CDH13: variants seen among roughly 807,000 people sequenced by gnomAD.
CDH13 encodes the protein cadherin-13.
CDH13 carries 24 observed loss-of-function variants against 63.8 expected under a neutral mutation model. That is an observed-to-expected ratio of 0.38 (90% CI 0.27 to 0.53). The LOEUF is 0.53. Among genes scored for constraint, CDH13 ranks in the 20% least tolerant of loss-of-function variants. The pLI is 0.85. For missense variants in CDH13, 1,049 were observed against 903.1 expected (o/e 1.16, Z -2.07); for synonymous variants, 503 against 355.3 (o/e 1.42, Z -4.67).
rs62035174 is a variant in CDH13, at chr16:82,842,137, T to C, written c.46-16225T>C. Among the ~76,000 whole-genome samples, 134 of 55,758 alleles carry C rather than the reference T, an allele frequency of 2.4e-3. 10 individuals are homozygous for C. The highest frequency in any genetic ancestry group is 4.3e-3 in the Non-Finnish European group (111 of 25,966). The allele number at this position is 55,758 out of a possible 152,430, so 36.6% of individuals were successfully genotyped here. A position where few individuals can be genotyped will look rare whatever the true frequency, so the allele number is the denominator to read the frequency against. ...GTATATATATATATATATATATATATACACATATATATATATATATATATA... is the reference window on the plus strand; with the variant it reads ...GTATATATATATATATATATATATACACACATATATATATATATATATATA... On this transcript the variant is annotated intron_variant, in intron 1 of 13. Transcript: ENST00000567109.
chr16:82,685,292 G>T (rs547286351), intron 1 of CDH13, among the ~76,000 whole-genome samples: 1 of 152,154 alleles, frequency 6.6e-6, no homozygotes, highest in Non-Finnish European at 1.5e-5. Context: ...GTGAGGTCCC[G>T]CTTTCCTCAT....
intron 5 of CDH13, among the ~76,000 whole-genome samples, chr16:83,292,072 T>C (rs941217968): frequency 6.6e-6 from 1 of 152,238 alleles, no homozygotes; most frequent in Admixed American, 6.5e-5. Context: ...TGTTTACATT[T>C]AGTTCAGAAA....
intron 2 of CDH13, among the ~76,000 whole-genome samples, chr16:82,896,276 A>ATGTTTTTTT (rs2041253638): frequency 1.1e-5 from 1 of 87,816 alleles, no homozygotes; most frequent in Admixed American, 1.6e-4. Context: ...TAGGATTAGG[A>ATGTTTTTTT]TTTTTTTTTT....
At chr16:82,817,672 G>A (rs963812407) in intron 1 of CDH13, among the ~76,000 whole-genome samples, 3 of 152,030 alleles carry the variant, frequency 2.0e-5, no homozygotes, top group Non-Finnish European at 4.4e-5. Context: ...AGGTGTGGTG[G>A]TGCACACCTG....
chr16:83,602,701 A>C, intron 8 of CDH13, 107 bp downstream of exon 8: 1 of 1,114,180 alleles, frequency 9.0e-7, no homozygotes, highest in Non-Finnish European at 1.4e-6. Flanking sequence ...TTCAAAATCA[A>C]AATACTCCTT....
intron 7 of CDH13, among the ~76,000 whole-genome samples, chr16:83,533,238 G>A (rs971779595): frequency 1.9e-4 from 29 of 152,132 alleles, no homozygotes; most frequent in Non-Finnish European, 4.4e-5. Flanking sequence ...TCAATGCGAC[G>A]GCTCACTTTT....
intron 6 of CDH13, among the ~76,000 whole-genome samples, chr16:83,460,995 GCACACACACA>G (rs35631596): frequency 2.7e-5 from 4 of 147,806 alleles, no homozygotes; most frequent in African/African-American, 7.5e-5. Flanking sequence ...ACACACACAC[GCACACACACA>G]CACACACACA....
chr16:83,341,441 G>A (rs1488164640), intron 5 of CDH13, among the ~76,000 whole-genome samples: 1 of 152,180 alleles, frequency 6.6e-6, no homozygotes, highest in Non-Finnish European at 1.5e-5. Flanking sequence ...TGATTGGGTG[G>A]ATAAGGCTGT....
chr16:82,837,571 C>T (rs1154678), intron 1 of CDH13, among the ~76,000 whole-genome samples: 46,447 of 152,014 alleles, frequency 0.31, 8,553 homozygotes, highest in East Asian at 0.81. Context: ...GAGCGAAGTC[C>T]GGAGGAAATC....
intron 3 of CDH13, among the ~76,000 whole-genome samples, chr16:83,085,443 G>C (rs2033529715): frequency 6.6e-6 from 1 of 152,158 alleles, no homozygotes; most frequent in African/African-American, 2.4e-5. Flanking sequence ...CAAGATGGCT[G>C]ATACATGTCT....
intron 8 of CDH13, among the ~76,000 whole-genome samples, chr16:83,646,007 C>T (rs992179008): frequency 2.0e-5 from 3 of 152,154 alleles, no homozygotes; most frequent in African/African-American, 7.2e-5. Context: ...AGGTTTGCTC[C>T]ACATCCAGCC....
intron 10 of CDH13, among the ~76,000 whole-genome samples, chr16:83,692,226 A>T (rs1904974916): frequency 6.6e-6 from 1 of 152,212 alleles, no homozygotes; most frequent in Admixed American, 6.5e-5. Context: ...TGGATTTATG[A>T]CAGCTTTCAT....
chr16:83,359,001 G>T (rs955440709), intron 6 of CDH13, among the ~76,000 whole-genome samples: 21 of 152,246 alleles, frequency 1.4e-4, no homozygotes, highest in African/African-American at 3.4e-4. Context: ...TTATGTCAGT[G>T]TGCTGGCTTC....
chr16:82,648,456 G>A (rs762836013), intron 1 of CDH13, among the ~76,000 whole-genome samples: 19 of 152,100 alleles, frequency 1.2e-4, no homozygotes, highest in Non-Finnish European at 2.2e-4. Context: ...CAGCTCAATA[G>A]AATATTACAT....
chr16:83,597,511 A>G (rs1907381874), intron 7 of CDH13, among the ~76,000 whole-genome samples: 1 of 152,190 alleles, frequency 6.6e-6, no homozygotes, highest in South Asian at 2.1e-4. Flanking sequence ...AAAAGGAGAT[A>G]ACTATCAATA....
chr16:82,719,458 A>G (rs952153787), intron 1 of CDH13: 2 of 455,710 alleles, frequency 4.4e-6, no homozygotes, highest in African/African-American at 4.0e-5. Context: ...TGCAGAAGGA[A>G]GGAATGATGC....
At chr16:83,711,665 A>T (rs929254916) in intron 10 of CDH13, among the ~76,000 whole-genome samples, 5 of 152,020 alleles carry the variant, frequency 3.3e-5, no homozygotes, top group African/African-American at 1.2e-4. Context: ...ACGTGTGCAT[A>T]CCACTACCAC....
intron 3 of CDH13, among the ~76,000 whole-genome samples, chr16:83,068,659 T>C (rs1386332079): frequency 1.3e-5 from 2 of 152,160 alleles, no homozygotes; most frequent in Non-Finnish European, 2.9e-5. Context: ...TCATCTTTAA[T>C]GCCATTAATT....
chr16:83,169,689 T>C (rs2037840868), intron 4 of CDH13, among the ~76,000 whole-genome samples: 2 of 152,122 alleles, frequency 1.3e-5, no homozygotes, highest in Non-Finnish European at 2.9e-5. Context: ...GATATTAATC[T>C]CTTGCCTGTC....
Sources: gnomAD v4.1 joint callset for allele counts (sites outside exome capture counted in the v4.1 genomes callset) on GRCh38, gnomAD v4.1.1 for gene constraint, MANE v1.5 for transcripts, NCBI Gene and HGNC (gene_info 2026-07-23, HGNC 2026-07-21) for gene names.